The following RNF24 variants were observed in gnomAD, a reference collection of about 807,000 sequenced individuals.
RNF24 encodes ring finger protein 24.
RNF24 carries 14 observed loss-of-function variants against 20.0 expected under a neutral mutation model. That is an observed-to-expected ratio of 0.70 (90% CI 0.46 to 1.10). RNF24 has a LOEUF of 1.10. Ranked by LOEUF, RNF24 falls within the 50% of genes least tolerant of loss-of-function variation. The probability of loss-of-function intolerance (pLI) is 0.00; values close to 1 mark genes in which losing one functional copy is unlikely to be tolerated. For missense variants in RNF24, 124 were observed against 177.6 expected (o/e 0.70, Z 1.71); for synonymous variants, 45 against 61.1 (o/e 0.74, Z 1.23).
Position 3,978,201 on chromosome 20 carries a change from C to A in RNF24, c.-7-14177G>T, listed in dbSNP as rs188808560. On this transcript the variant is annotated intron_variant, in intron 1 of 5. Transcript: ENST00000358395. The stretch of plus-strand genomic sequence containing the variant: ...TACAGGTGTGTGCCACCATACCCGG[C>A]TAATTTTTGTATTTTTAGTAGAGAC... 6.3e-4 allele frequency among the ~76,000 whole-genome samples: 95 copies of A among 151,750 alleles called. 1 individual carries two copies. The East Asian group carries it at 0.014, about 23-fold the overall frequency.
chr20:3,959,320 T>C (rs139569124), intron 2 of RNF24, among the ~76,000 whole-genome samples: 1 of 152,360 alleles, frequency 6.6e-6, no homozygotes, highest in African/African-American at 2.4e-5. Flanking sequence ...CTGTCCTTAA[T>C]GTCCAGTCAT....
intron 4 of RNF24, among the ~76,000 whole-genome samples, chr20:3,944,426 C>T (rs1159076323): frequency 1.3e-5 from 2 of 152,122 alleles, no homozygotes; most frequent in African/African-American, 4.8e-5. Context: ...TTTGAAGAGA[C>T]TGGCAATTTA....
intron 4 of RNF24, among the ~76,000 whole-genome samples, chr20:3,936,019 A>G (rs1235367504): frequency 1.3e-5 from 2 of 152,110 alleles, no homozygotes; most frequent in Non-Finnish European, 2.9e-5. Context: ...TGGACTGTTG[A>G]TGGCTTTGCT....
chr20:3,981,290 A>G (rs1032635607), intron 1 of RNF24, among the ~76,000 whole-genome samples: 1 of 151,766 alleles, frequency 6.6e-6, no homozygotes, highest in African/African-American at 2.4e-5. Context: ...TACGATTTCT[A>G]TCTTTGGTTT....
At chr20:3,988,140 T>C (rs1166643573) in intron 1 of RNF24, among the ~76,000 whole-genome samples, 1 of 151,940 alleles carries the variant, frequency 6.6e-6, no homozygotes, top group Non-Finnish European at 1.5e-5. Flanking sequence ...CTGGACAACA[T>C]GGCAAGACTC....
At chr20:3,976,213 G>A (rs1978854713) in intron 1 of RNF24, among the ~76,000 whole-genome samples, 1 of 152,076 alleles carries the variant, frequency 6.6e-6, no homozygotes, top group Non-Finnish European at 1.5e-5. Context: ...ATTAGAAAAT[G>A]GGCAAAAGAG....
intron 1 of RNF24, among the ~76,000 whole-genome samples, chr20:4,008,449 T>TA (rs1445346428): frequency 6.3e-5 from 1 of 15,966 alleles, no homozygotes; most frequent in Non-Finnish European, 1.8e-4. Flanking sequence ...GTATAATATA[T>TA]ATAATATATA....
chr20:3,970,555 C>T (rs1054946159), intron 1 of RNF24, among the ~76,000 whole-genome samples: 2 of 152,072 alleles, frequency 1.3e-5, no homozygotes, highest in African/African-American at 2.4e-5. Flanking sequence ...TTAAAGTAGC[C>T]GTCATCAAAT....
rs954173656 is a variant in RNF24 at position 3,928,523 on chromosome 20, C to CAA, written c.*5538_*5539dup. The CAA allele has an allele frequency of 1.3e-5, 2 of 152,122 alleles. No homozygotes were observed. The highest frequency in any genetic ancestry group is 4.8e-5 in the African/African-American group (2 of 41,424). The allele number at this position is 152,122 out of a possible 1,614,324, so 9.4% of individuals were successfully genotyped here. A position where few individuals can be genotyped will look rare whatever the true frequency, so the allele number is the denominator to read the frequency against. ...CTGTAATCCCAGCACTTTGGGAGGT[C>CAA]AAGGCAGGTGCATCACGAGGTCAGG... On this transcript the variant is annotated 3_prime_UTR_variant, in exon 6 of 6. Transcript: ENST00000358395.
rs780488535 is a variant in RNF24 at position 3,933,864 on chromosome 20, G to T, written c.*199C>A. 10 of 411,792 alleles carry T rather than the reference G, an allele frequency of 2.4e-5. No individual in the cohort carries two copies. Among genetic ancestry groups the T allele is most frequent in the South Asian group, 1.8e-4 (2 of 11,154 alleles). 25.5% of individuals were successfully genotyped at this position (411,792 alleles called of 1,614,324 possible). A position where few individuals can be genotyped will look rare whatever the true frequency, so the allele number is the denominator to read the frequency against. On this transcript the variant is annotated 3_prime_UTR_variant, in exon 6 of 6. Transcript: ENST00000358395. ...TCATCCACTCCTCTTCTCTCGGCAG[G>T]GGGTAGTGTCAAAGTGCTTTGGTTG...
chr20:3,973,653 G>C (rs1259936159), intron 1 of RNF24, among the ~76,000 whole-genome samples: 1 of 151,716 alleles, frequency 6.6e-6, no homozygotes, highest in Non-Finnish European at 1.5e-5. Flanking sequence ...AAATAAAACA[G>C]ACCAATTCCT....
intron 2 of RNF24, among the ~76,000 whole-genome samples, chr20:3,956,372 G>A (rs1190170697): frequency 6.6e-6 from 1 of 151,072 alleles, no homozygotes; most frequent in African/African-American, 2.4e-5. Flanking sequence ...TGCCATAAAT[G>A]CATAATATTC....
chr20:3,936,778 A>AT (rs2090896182), intron 4 of RNF24, among the ~76,000 whole-genome samples: 1 of 152,158 alleles, frequency 6.6e-6, no homozygotes, highest in Admixed American at 6.6e-5. Context: ...TGAGTTGCTT[A>AT]TTTTTATTCA....
At chr20:3,977,206 G>T (rs1490531591) in intron 1 of RNF24, among the ~76,000 whole-genome samples, 1 of 152,132 alleles carries the variant, frequency 6.6e-6, no homozygotes, top group Non-Finnish European at 1.5e-5. Flanking sequence ...ATCCCCCATA[G>T]TAATCTAGAT....
At chr20:4,013,056 ATTAAC>A (rs750002466) in intron 1 of RNF24, among the ~76,000 whole-genome samples, 1 of 152,086 alleles carries the variant, frequency 6.6e-6, no homozygotes, top group Non-Finnish European at 1.5e-5. Flanking sequence ...CTTGTTTTAA[ATTAAC>A]TTATCTGAAT....
In RNF24 at chr20:3,928,393, C is replaced by T. The variant is rs538449090; in HGVS notation, c.*5670G>A. On this transcript the variant is annotated 3_prime_UTR_variant, in exon 6 of 6. Coordinates refer to ENST00000358395, the MANE Select transcript of RNF24 (RefSeq NM_001134337.3). ...TGGGAAGCGAGGCACAAGTCTGTGC[C>T]CCTACTCCCAGGGCTGCCTGGAGGA... 3 of 152,244 alleles carry T rather than the reference C, an allele frequency of 2.0e-5. No homozygotes were observed. The South Asian group carries it at 6.2e-4, about 32-fold the overall frequency. The allele number at this position is 152,244 out of a possible 1,614,324, so 9.4% of individuals were successfully genotyped here.
At chr20:3,936,761 G>C (rs542036200) in intron 4 of RNF24, among the ~76,000 whole-genome samples, 1 of 152,352 alleles carries the variant, frequency 6.6e-6, no homozygotes, top group Non-Finnish European at 1.5e-5. Context: ...TTGAAGCACA[G>C]GTTGGATGAG....
At chr20:3,979,161 C>CGT (rs1344457265) in intron 1 of RNF24, among the ~76,000 whole-genome samples, 3 of 150,140 alleles carry the variant, frequency 2.0e-5, no homozygotes, top group Non-Finnish European at 3.0e-5. Context: ...ACTGTGTGTG[C>CGT]GTGTGTGTGT....
intron 1 of RNF24, among the ~76,000 whole-genome samples, chr20:3,971,857 A>T (rs1282143830): frequency 6.6e-6 from 1 of 152,192 alleles, no homozygotes; most frequent in East Asian, 1.9e-4. Flanking sequence ...TAAAACACAG[A>T]GACTGGCAGA....
Sources: allele counts gnomAD v4.1 joint callset (sites outside exome capture counted in the v4.1 genomes callset), GRCh38; gene constraint gnomAD v4.1.1; transcripts MANE v1.5; gene names NCBI Gene and HGNC (gene_info 2026-07-23, HGNC 2026-07-21).